MROH2B: variants seen among roughly 807,000 people sequenced by gnomAD.
MROH2B encodes maestro heat like repeat family member 2B.
A neutral mutation model predicts 208.6 loss-of-function variants in MROH2B; 177 were observed. The ratio of observed to expected loss-of-function variants is 0.85; its 90% CI spans 0.75 to 0.96. The LOEUF is 0.96. MROH2B is among the 40% of genes least tolerant of loss of function. The pLI is 0.00. For synonymous variants in MROH2B, 728 were observed against 659.0 expected (o/e 1.10, Z -1.60); for missense variants, 2,002 against 1,878.7 (o/e 1.07, Z -1.21).
chr5:41,052,373 A>G (rs908437319), intron 12 of MROH2B, 92 bp downstream of exon 12: 16 of 1,292,506 alleles, frequency 1.2e-5, no homozygotes, highest in Non-Finnish European at 1.6e-5. Flanking sequence ...CCTGTGACAG[A>G]TTAAGGATCC....
chr5:41,049,164 A>G (rs748223382), intron 14 of MROH2B, 23 bp from the exon 15 acceptor site: 1 of 1,602,420 alleles, frequency 6.2e-7, no homozygotes, highest in South Asian at 1.1e-5. Flanking sequence ...AGCAATTTTC[A>G]TCATCACTGC....
rs562692499 is a variant in MROH2B at position 41,036,991 on chromosome 5, G to A, written c.2214+1745C>T. 2.6e-5 allele frequency among the ~76,000 whole-genome samples: 4 copies of A among 152,210 alleles called. No individual in the cohort carries two copies. In the East Asian group the frequency reaches 7.7e-4, roughly 29 times the overall value. ...TAGCAGAACTAACTGTACCCTGAAA[G>A]TGTATAGTAATCTTTATTTTAATCA... On this transcript the variant is annotated intron_variant, in intron 21 of 41. Coordinates refer to ENST00000399564, the MANE Select transcript of MROH2B (RefSeq NM_173489.5).
In MROH2B at chr5:41,032,750, C is replaced by T. The variant is rs1039311137; in HGVS notation, c.2433G>A (p.Arg811=). Residue 811 remains arginine, a synonymous_variant, in exon 24 of 42, where the codon AGG becomes AGA. Transcript: ENST00000399564. ...AACTAAAAATTATCTACCTGAGATA[C>T]CTAATGGCGATTAAGGCTTTCCACC... is the stretch of plus-strand genomic sequence containing the variant. ...PIRWKALIAI[R]YLSKLKPQLS... The T allele has an allele frequency of 1.2e-6, 2 of 1,612,094 alleles. No homozygotes were observed. The highest frequency in any genetic ancestry group is 1.7e-4 in the Middle Eastern group (1 of 6,050).
chr5:41,023,418 G>A (rs1425108791), intron 24 of MROH2B, among the ~76,000 whole-genome samples: 5 of 152,136 alleles, frequency 3.3e-5, no homozygotes, highest in African/African-American at 2.4e-5. Context: ...TAGCCGATTC[G>A]ATCAACTGGA....
chr5:41,033,949 A>G, intron 21 of MROH2B, 85 bp from the exon 22 acceptor site: 1 of 1,432,278 alleles, frequency 7.0e-7, no homozygotes, highest in Non-Finnish European at 9.3e-7. Context: ...TCACCCATCA[A>G]CCTGAAGGAC....
intron 24 of MROH2B, among the ~76,000 whole-genome samples, chr5:41,020,274 G>A (rs1358589825): frequency 1.3e-5 from 2 of 152,042 alleles, no homozygotes; most frequent in African/African-American, 4.8e-5. Flanking sequence ...TTTTAAAAGT[G>A]GTTACCAGAC....
chr5:41,010,831 T>C (rs2050927038), intron 30 of MROH2B, among the ~76,000 whole-genome samples: 1 of 152,164 alleles, frequency 6.6e-6, no homozygotes, highest in South Asian at 2.1e-4. Flanking sequence ...ACAAATCTAC[T>C]CTGGTGGGAG....
intron 28 of MROH2B, 108 bp from the exon 29 acceptor site, chr5:41,015,586 T>A (rs1741920367): frequency 7.5e-6 from 7 of 934,258 alleles, no homozygotes; most frequent in Non-Finnish European, 1.1e-5. Context: ...TCTGATGAGA[T>A]GGTGAACATA....
chr5:41,055,633 G>C, intron 10 of MROH2B, 109 bp downstream of exon 10: 3 of 704,036 alleles, frequency 4.3e-6, no homozygotes, highest in Non-Finnish European at 7.2e-6. Flanking sequence ...ATTTGCACGT[G>C]ATGTTATATA....
chr5:41,052,911 CA>C (rs1743328426), intron 11 of MROH2B, among the ~76,000 whole-genome samples: 1 of 151,992 alleles, frequency 6.6e-6, no homozygotes, highest in Non-Finnish European at 1.5e-5. Context: ...TGTTGGTGCT[CA>C]AAAAGTTTTG....
At position 41,005,421 on chromosome 5, in the gene MROH2B, C is replaced by A. The variant is rs1477720593; in HGVS notation, c.3864+110G>T. On this transcript the variant is annotated intron_variant, in intron 35 of 41. Coordinates refer to ENST00000399564, the MANE Select transcript of MROH2B (RefSeq NM_173489.5). ...GGTCTCTCCTCTATGAAACCCCCCCCCCCCTTGAAGTCTCTCTTCCCTGGT... is the reference window on the plus strand; with the variant it reads ...GGTCTCTCCTCTATGAAACCCCCCCACCCCTTGAAGTCTCTCTTCCCTGGT... 4.7e-4 allele frequency: 102 copies of A among 216,650 alleles called. 11 individuals carry two copies. Among genetic ancestry groups the A allele is most frequent in the African/African-American group, 2.8e-3 (83 of 29,310 alleles). The allele number at this position is 216,650 out of a possible 1,614,324, so 13.4% of individuals were successfully genotyped here. A position where few individuals can be genotyped will look rare whatever the true frequency, so the allele number is the denominator to read the frequency against.
intron 28 of MROH2B, among the ~76,000 whole-genome samples, chr5:41,016,435 T>C (rs1455521359): frequency 3.3e-5 from 5 of 150,386 alleles, no homozygotes; most frequent in Non-Finnish European, 5.9e-5. Context: ...AGAACAATAA[T>C]AGAATCCAAA....
chr5:41,017,410 A>G (rs991398040), intron 28 of MROH2B, among the ~76,000 whole-genome samples: 3 of 152,236 alleles, frequency 2.0e-5, no homozygotes, highest in African/African-American at 4.8e-5. Flanking sequence ...TTCTCTGAAG[A>G]AAACCATGTG....
At position 41,060,550 on chromosome 5, in the gene MROH2B, A is replaced by T. The variant is rs533543076; in HGVS notation, c.615+1020T>A. Among the ~76,000 whole-genome samples the T allele has an allele frequency of 3.9e-5, 6 of 152,196 alleles. No homozygotes were observed. The South Asian group carries it at 1.2e-3, about 32-fold the overall frequency. ...CTTCCCCATTTTCAACCTCTGCCTC[A>T]GTAGGTTTTAGTCCCTCTGTAGGGA... On this transcript the variant is annotated intron_variant, in intron 6 of 41. Transcript: ENST00000399564.
chr5:41,023,816 C>G (rs1406094697), intron 24 of MROH2B, among the ~76,000 whole-genome samples: 1 of 152,184 alleles, frequency 6.6e-6, no homozygotes, highest in Non-Finnish European at 1.5e-5. Flanking sequence ...GGAAGCCCAT[C>G]AGACTAACAG....
intron 11 of MROH2B, 39 bp from the exon 12 acceptor site, chr5:41,052,626 T>C: frequency 1.3e-6 from 2 of 1,551,320 alleles, no homozygotes; most frequent in Non-Finnish European, 1.7e-6. Flanking sequence ...TTTTACTATG[T>C]TTTGCAGAAG....
chr5:41,052,529 G>A lies in MROH2B; in HGVS notation c.1166C>T (p.Ala389Val), dbSNP rs992392877. ...QTMCEKSYIE[A>V]REGWPLIDYV... Reference sequence around the variant, plus strand: ...ATCAATCAATGGCCATCCTTCCCGAGCTTCAATATAGGACTTTTCACACAT... The same window carrying A: ...ATCAATCAATGGCCATCCTTCCCGAACTTCAATATAGGACTTTTCACACAT... Residue 389 changes from alanine to valine, a missense_variant, in exon 12 of 42, where the codon GCT becomes GTT. Coordinates refer to ENST00000399564, the MANE Select transcript of MROH2B (RefSeq NM_173489.5). 1 of 1,612,854 alleles carries A rather than the reference G, an allele frequency of 6.2e-7. No individual in the cohort carries two copies. The highest frequency in any genetic ancestry group is 1.3e-5 in the African/African-American group (1 of 74,966).
chr5:41,029,164 C>T (rs1173572754), intron 24 of MROH2B, among the ~76,000 whole-genome samples: 1 of 151,928 alleles, frequency 6.6e-6, no homozygotes, highest in Admixed American at 6.6e-5. Context: ...TAACAGCTAT[C>T]TTAACAGGTA....
At chr5:41,045,898 G>T (rs1478526968) in intron 17 of MROH2B, 45 bp from the exon 18 acceptor site, 12 of 1,370,574 alleles carry the variant, frequency 8.8e-6, no homozygotes, top group Non-Finnish European at 1.2e-5. Context: ...ACCGTTTCAT[G>T]TGCTTTCTTG....
Sources: allele counts gnomAD v4.1 joint callset (sites outside exome capture counted in the v4.1 genomes callset), GRCh38; gene constraint gnomAD v4.1.1; transcripts MANE v1.5; gene names NCBI Gene and HGNC (gene_info 2026-07-23, HGNC 2026-07-21).